Variants in CNTNAP5 observed in about 807,000 individuals in gnomAD.
The protein encoded by CNTNAP5 is contactin-associated protein-like 5.
Under a neutral mutation model 150.2 loss-of-function variants are expected in CNTNAP5, and 72 were observed. The observed-to-expected ratio is 0.48, with a 90% confidence interval of 0.40 to 0.58. The LOEUF is 0.58. CNTNAP5 is among the 20% of genes least tolerant of loss of function. The probability of loss-of-function intolerance (pLI) is 0.00; values close to 1 mark genes in which losing one functional copy is unlikely to be tolerated. For synonymous variants in CNTNAP5, 672 were observed against 619.8 expected, an observed-to-expected ratio of 1.08 and a Z score of -1.25; for missense variants, 1,636 against 1,626.2, an observed-to-expected ratio of 1.01 and a Z score of -0.10.
At chr2:124,645,839 T>C (rs1678191485) in intron 12 of CNTNAP5, among the ~76,000 whole-genome samples, 1 of 152,096 alleles carries the variant, frequency 6.6e-6, no homozygotes, top group South Asian at 2.1e-4. Flanking sequence ...TGGGGAGGTC[T>C]CAGGGAGCTT....
chr2:124,030,561 T>G (rs1681017843), intron 1 of CNTNAP5, among the ~76,000 whole-genome samples: 1 of 152,104 alleles, frequency 6.6e-6, no homozygotes, highest in African/African-American at 2.4e-5. Flanking sequence ...AAACTTGACA[T>G]GGGTTCTTTA....
chr2:124,845,063 A>G (rs765073609), intron 19 of CNTNAP5, among the ~76,000 whole-genome samples: 16 of 152,078 alleles, frequency 1.1e-4, no homozygotes, highest in Non-Finnish European at 2.2e-4. Context: ...TCCAGTTCTC[A>G]GGGGGAATAC....
intron 19 of CNTNAP5, among the ~76,000 whole-genome samples, chr2:124,820,828 C>T (rs1682470573): frequency 6.6e-6 from 1 of 152,234 alleles, no homozygotes; most frequent in South Asian, 2.1e-4. Flanking sequence ...CTTACTTTCA[C>T]ATTATATCTC....
At chr2:124,306,327 C>T (rs1489271508) in intron 3 of CNTNAP5, among the ~76,000 whole-genome samples, 1 of 152,150 alleles carries the variant, frequency 6.6e-6, no homozygotes, top group African/African-American at 2.4e-5. Flanking sequence ...CAGATCTTTC[C>T]ACCTGGAAGT....
At chr2:124,279,866 C>T (rs1687970459) in intron 3 of CNTNAP5, among the ~76,000 whole-genome samples, 1 of 152,112 alleles carries the variant, frequency 6.6e-6, no homozygotes, top group Non-Finnish European at 1.5e-5. Context: ...TCCTTACCTT[C>T]ACCCTCCCCA....
At chr2:124,435,486 G>C (rs1476020223) in intron 5 of CNTNAP5, among the ~76,000 whole-genome samples, 1 of 150,404 alleles carries the variant, frequency 6.6e-6, no homozygotes, top group Non-Finnish European at 1.5e-5. Flanking sequence ...CTCTTCTATA[G>C]AAAAAAGAAA....
chr2:124,445,030 C>T (rs1179095822), intron 5 of CNTNAP5, among the ~76,000 whole-genome samples: 3 of 151,976 alleles, frequency 2.0e-5, no homozygotes, highest in Non-Finnish European at 4.4e-5. Flanking sequence ...TCTATGTCTC[C>T]TTAATACATT....
At chr2:124,088,669 C>G (rs1244986563) in intron 1 of CNTNAP5, among the ~76,000 whole-genome samples, 3 of 151,944 alleles carry the variant, frequency 2.0e-5, no homozygotes, top group Non-Finnish European at 4.4e-5. Context: ...TCTATTCAGT[C>G]TCCATTGGTA....
At chr2:124,195,195 A>G (rs1328259337) in intron 1 of CNTNAP5, among the ~76,000 whole-genome samples, 1 of 152,238 alleles carries the variant, frequency 6.6e-6, no homozygotes, top group Non-Finnish European at 1.5e-5. Context: ...TGGGAGTGGT[A>G]TGGCCGGGTG....
intron 12 of CNTNAP5, among the ~76,000 whole-genome samples, chr2:124,640,384 C>A (rs1197889571): frequency 6.6e-6 from 1 of 152,168 alleles, no homozygotes; most frequent in African/African-American, 2.4e-5. Context: ...AGGTGGAAGG[C>A]AGTAATGGAC....
intron 12 of CNTNAP5, among the ~76,000 whole-genome samples, chr2:124,617,545 A>G (rs529871692): frequency 9.2e-5 from 14 of 152,090 alleles, no homozygotes; most frequent in South Asian, 4.1e-4. Context: ...CTGTGTGTCC[A>G]TTTCTTTTCT....
At chr2:124,422,854 A>T (rs552517592) in intron 4 of CNTNAP5, among the ~76,000 whole-genome samples, 2 of 152,160 alleles carry the variant, frequency 1.3e-5, no homozygotes, top group Non-Finnish European at 2.9e-5. Context: ...CTGCACTTCA[A>T]TTAGATCATG....
Position 124,704,888 on chromosome 2 carries a change from G to A in CNTNAP5, c.2078-42341G>A, listed in dbSNP as rs141548743. On this transcript the variant is annotated intron_variant, in intron 13 of 23. Coordinates refer to ENST00000682447, the MANE Select transcript of CNTNAP5 (RefSeq NM_001367498.1). ...GCCTTTCCCTGTATTCAACTGCTTAGTTAATTCCCTTACCCCTTCAAGTTT... is the reference window on the plus strand; with the variant it reads ...GCCTTTCCCTGTATTCAACTGCTTAATTAATTCCCTTACCCCTTCAAGTTT... Among the ~76,000 whole-genome samples the A allele has an allele frequency of 1.3e-3, 203 of 152,142 alleles. 1 individual carries two copies. The highest frequency in any genetic ancestry group is 4.8e-3 in the African/African-American group (201 of 41,492).
intron 19 of CNTNAP5, among the ~76,000 whole-genome samples, chr2:124,834,043 G>A (rs1682773762): frequency 6.6e-6 from 1 of 152,100 alleles, no homozygotes; most frequent in Non-Finnish European, 1.5e-5. Context: ...AATAACAAAG[G>A]AAGAAATGTA....
At chr2:124,374,060 ATACT>A (rs1690591091) in intron 3 of CNTNAP5, among the ~76,000 whole-genome samples, 1 of 152,174 alleles carries the variant, frequency 6.6e-6, no homozygotes, top group African/African-American at 2.4e-5. Context: ...ATATTTTGAG[ATACT>A]TAATTCTACA....
In CNTNAP5 at chr2:124,245,732, C is replaced by CAT. The variant is rs201723089; in HGVS notation, c.381+3350_381+3351dup. On this transcript the variant is annotated intron_variant, in intron 3 of 23. Coordinates refer to ENST00000682447, the MANE Select transcript of CNTNAP5 (RefSeq NM_001367498.1). Reference sequence around the variant, plus strand: ...ATATATTTATATACACAAATATATACATATATATATATTTGGAGAAAGGGT... The same window carrying CAT: ...ATATATTTATATACACAAATATATACATATATATATATATTTGGAGAAAGGGT... Among the ~76,000 whole-genome samples the CAT allele has an allele frequency of 7.8e-3, 1,175 of 149,918 alleles. 13 individuals are homozygous for CAT. Among genetic ancestry groups the CAT allele is most frequent in the African/African-American group, 0.027 (1,109 of 40,800 alleles).
intron 1 of CNTNAP5, among the ~76,000 whole-genome samples, chr2:124,132,919 AC>A (rs1683889203): frequency 6.6e-6 from 1 of 152,048 alleles, no homozygotes. Flanking sequence ...TACTCCTCGC[AC>A]CTCTGTCTAA....
chr2:124,776,031 T>C (rs900376043), intron 17 of CNTNAP5, among the ~76,000 whole-genome samples: 1 of 152,062 alleles, frequency 6.6e-6, no homozygotes. Flanking sequence ...AGAATGAAAA[T>C]GAAGAGACTG....
At chr2:124,090,335 T>C (rs911356200) in intron 1 of CNTNAP5, among the ~76,000 whole-genome samples, 4 of 152,148 alleles carry the variant, frequency 2.6e-5, no homozygotes, top group African/African-American at 9.7e-5. Context: ...TTAATAAAAA[T>C]AGGAATAAAT....
Sources: gnomAD v4.1 joint callset for allele counts (sites outside exome capture counted in the v4.1 genomes callset) on GRCh38, gnomAD v4.1.1 for gene constraint, MANE v1.5 for transcripts, NCBI Gene and HGNC (gene_info 2026-07-23, HGNC 2026-07-21) for gene names.